WDR47: variants seen among roughly 807,000 people sequenced by gnomAD.
The protein encoded by WDR47 is WD repeat-containing protein 47.
Under a neutral mutation model 97.2 loss-of-function variants are expected in WDR47, and 32 were observed. That is an observed-to-expected ratio of 0.33 (90% CI 0.25 to 0.44). The LOEUF (loss-of-function observed/expected upper bound fraction) is 0.44. Among genes scored for constraint, WDR47 ranks in the 20% least tolerant of loss-of-function variants. The pLI is 1.00. For missense variants in WDR47, 782 were observed against 1,102.3 expected, an observed-to-expected ratio of 0.71 and a Z score of 4.11; for synonymous variants, 375 against 373.5, an observed-to-expected ratio of 1.00 and a Z score of -0.05.
chr1:109,005,041 C>T (rs550848318), intron 5 of WDR47, among the ~76,000 whole-genome samples: 2 of 152,176 alleles, frequency 1.3e-5, no homozygotes, highest in Non-Finnish European at 2.9e-5. Context: ...ATCCACACTC[C>T]CCAGTCTCCC....
chr1:109,010,741 C>T (rs1046872835), intron 5 of WDR47, among the ~76,000 whole-genome samples, 175 bp downstream of exon 5: 3 of 152,114 alleles, frequency 2.0e-5, no homozygotes, highest in Admixed American at 2.0e-4. Flanking sequence ...TGCCACCACG[C>T]CCAGCTAATT....
chr1:109,017,676 A>G, intron 2 of WDR47, 75 bp from the exon 3 acceptor site: 1 of 1,097,534 alleles, frequency 9.1e-7, no homozygotes, highest in South Asian at 1.4e-5. Flanking sequence ...ACAGATGACA[A>G]AACAGCATTC....
chr1:108,989,596 C>T (rs934207606), intron 9 of WDR47, among the ~76,000 whole-genome samples: 3 of 152,218 alleles, frequency 2.0e-5, no homozygotes, highest in Non-Finnish European at 4.4e-5. Context: ...GGAGGAAAAA[C>T]GACTAATTAA....
At chr1:109,013,483 C>T (rs1360801892) in intron 4 of WDR47, among the ~76,000 whole-genome samples, 1 of 150,766 alleles carries the variant, frequency 6.6e-6, no homozygotes, top group Middle Eastern at 3.2e-3. Flanking sequence ...AAAGACAATA[C>T]AGAAAAGACA....
At chr1:109,010,786 G>C (rs1660983520) in intron 5 of WDR47, 130 bp downstream of exon 5, 1 of 892,154 alleles carries the variant, frequency 1.1e-6, no homozygotes, top group Admixed American at 2.4e-5. Flanking sequence ...GTTTCACCGT[G>C]TTAGCCAGGA....
chr1:109,037,983 C>A (rs1206804347), intron 1 of WDR47, among the ~76,000 whole-genome samples: 2 of 152,058 alleles, frequency 1.3e-5, no homozygotes, highest in Non-Finnish European at 2.9e-5. Flanking sequence ...CAGGTGTGCA[C>A]CACCACACTC....
At chr1:108,992,949 C>G in intron 8 of WDR47, 2 of 796,832 alleles carry the variant, frequency 2.5e-6, no homozygotes, top group Non-Finnish European at 3.9e-6. Flanking sequence ...ACTTAAGTTT[C>G]CAACTTAAAA....
At chr1:109,031,248 G>A (rs1374089522) in intron 1 of WDR47, among the ~76,000 whole-genome samples, 1 of 140,110 alleles carries the variant, frequency 7.1e-6, no homozygotes, top group Non-Finnish European at 1.6e-5. Flanking sequence ...GTTGACAGCA[G>A]TTCTCAATTT....
intron 10 of WDR47, among the ~76,000 whole-genome samples, chr1:108,984,294 A>T (rs537323467): frequency 6.6e-6 from 1 of 152,318 alleles, no homozygotes; most frequent in Admixed American, 6.5e-5. Flanking sequence ...CTAATATGAC[A>T]CTAAAGATTT....
At chr1:109,001,857 C>T (rs901067218) in intron 7 of WDR47, among the ~76,000 whole-genome samples, 1 of 151,834 alleles carries the variant, frequency 6.6e-6, no homozygotes, top group South Asian at 2.1e-4. Context: ...TGCCTCTGCA[C>T]TCCAGACTGG....
At chr1:109,025,301 T>C (rs1445935165) in intron 1 of WDR47, among the ~76,000 whole-genome samples, 2 of 151,730 alleles carry the variant, frequency 1.3e-5, no homozygotes, top group South Asian at 2.1e-4. Context: ...AGCCAGCATG[T>C]GTGCCTGTAG....
chr1:108,978,777 G>A (rs772241810), intron 13 of WDR47, among the ~76,000 whole-genome samples: 7 of 152,178 alleles, frequency 4.6e-5, no homozygotes, highest in Non-Finnish European at 8.8e-5. Flanking sequence ...ATGACACTGA[G>A]AGCTGAAGCA....
intron 1 of WDR47, among the ~76,000 whole-genome samples, chr1:109,037,420 C>G (rs1382656536): frequency 6.6e-6 from 1 of 151,166 alleles, no homozygotes; most frequent in African/African-American, 2.4e-5. Flanking sequence ...GGGCAGATCA[C>G]GAGGTCAGGA....
At position 109,032,208 on chromosome 1, in the gene WDR47, C is replaced by T. The variant is rs144989386; in HGVS notation, c.-9-8687G>A. ...TAAAATTACTGAAGTACTAACAATT[C>T]ACATGATAAAAACGATTTTCTGGCC... On this transcript the variant is annotated intron_variant, in intron 1 of 14. Transcript: ENST00000369962. Among the ~76,000 whole-genome samples, 17 of 139,498 alleles carry T rather than the reference C, an allele frequency of 1.2e-4. 4 individuals are homozygous for T. The East Asian group carries it at 3.6e-3, about 30-fold the overall frequency. The allele number at this position is 139,498 out of a possible 152,430, so 91.5% of individuals were successfully genotyped here.
At chr1:108,992,432 G>A (rs1312802510) in intron 8 of WDR47, 2 of 1,599,324 alleles carry the variant, frequency 1.3e-6, no homozygotes, top group Admixed American at 1.7e-5. Flanking sequence ...TCTGAAAGAT[G>A]TCACTTTACA....
intron 8 of WDR47, among the ~76,000 whole-genome samples, chr1:108,994,574 T>C (rs1659614407): frequency 6.6e-6 from 1 of 151,802 alleles, no homozygotes; most frequent in Non-Finnish European, 1.5e-5. Context: ...TGAGATCCCA[T>C]CTTAAAAAAA....
intron 8 of WDR47, among the ~76,000 whole-genome samples, chr1:108,994,164 G>A (rs1337420059): frequency 5.9e-5 from 9 of 152,270 alleles, no homozygotes; most frequent in South Asian, 2.1e-4. Context: ...TTGGGAGGCC[G>A]AGGTGAGCGA....
At chr1:108,979,465 C>T (rs1485043278) in intron 13 of WDR47, among the ~76,000 whole-genome samples, 2 of 151,980 alleles carry the variant, frequency 1.3e-5, no homozygotes, top group African/African-American at 4.8e-5. Flanking sequence ...GTCAAAACTG[C>T]AGTGAGCCAT....
rs1321933119 is a variant in WDR47, at chr1:108,974,617, G to A, written c.2536C>T (p.Arg846Cys). ...GCTCCAGGGGAGAATCGAACAGAGC[G>A]AACATCACTGGAATGAGGATGATAA... ...QSYHPHSSDV[R>C]SVRFSPGAHY... The change falls in exon 14 of 15, where the codon CGC (arginine) becomes TGC (cysteine). Residue 846 changes from arginine (R) to cysteine (C), a missense_variant. Physicochemically the swap from Arg to Cys is radical, Grantham distance 180. Coordinates refer to ENST00000369962, the MANE Select transcript of WDR47 (RefSeq NM_001142551.2). The A allele has an allele frequency of 3.1e-6, 5 of 1,614,052 alleles. No homozygotes were observed. Among genetic ancestry groups the A allele is most frequent in the Admixed American group, 1.7e-5 (1 of 60,018 alleles).
Sources: gnomAD v4.1 joint callset for allele counts (sites outside exome capture counted in the v4.1 genomes callset) on GRCh38, gnomAD v4.1.1 for gene constraint, MANE v1.5 for transcripts, NCBI Gene and HGNC (gene_info 2026-07-23, HGNC 2026-07-21) for gene names.